ZNRF1: variants seen among roughly 807,000 people sequenced by gnomAD.
ZNRF1 encodes E3 ubiquitin-protein ligase ZNRF1.
In ZNRF1, 3 loss-of-function variants were observed where a neutral mutation model predicts 18.4. That is an observed-to-expected ratio of 0.16 (90% confidence interval 0.07 to 0.42). The LOEUF is 0.42. Among genes scored for constraint, ZNRF1 ranks in the 10% least tolerant of loss-of-function variants. The probability of loss-of-function intolerance (pLI) is 0.99; values close to 1 mark genes in which losing one functional copy is unlikely to be tolerated. For synonymous variants in ZNRF1, 157 were observed against 144.2 expected (o/e 1.09, Z -0.64); for missense variants, 310 against 329.8 (o/e 0.94, Z 0.47).
chr16:75,061,797 T>C (rs6564201), intron 1 of ZNRF1, among the ~76,000 whole-genome samples: 139,801 of 152,248 alleles, frequency 0.92, 64,216 homozygotes, highest in Non-Finnish European at 0.93. Context: ...CTTAACACAA[T>C]GAGTCGTCTT....
At chr16:75,032,537 AAAAC>A (rs1240458657) in intron 1 of ZNRF1, among the ~76,000 whole-genome samples, 1 of 152,180 alleles carries the variant, frequency 6.6e-6, no homozygotes, top group Non-Finnish European at 1.5e-5. Flanking sequence ...TCCATCTCAA[AAAAC>A]AAACAAACAA....
intron 1 of ZNRF1, among the ~76,000 whole-genome samples, chr16:75,035,361 A>G (rs763679549): frequency 2.0e-5 from 3 of 152,184 alleles, no homozygotes; most frequent in Non-Finnish European, 4.4e-5. Flanking sequence ...TAGAAAGTAT[A>G]CATTTGATTT....
chr16:75,016,348 C>G (rs1413961687), intron 1 of ZNRF1, among the ~76,000 whole-genome samples: 4 of 151,818 alleles, frequency 2.6e-5, no homozygotes, highest in Non-Finnish European at 1.5e-5. Flanking sequence ...AAGCAATTCT[C>G]CCACCTCAGC....
chr16:75,082,685 C>T (rs897058212), intron 1 of ZNRF1, among the ~76,000 whole-genome samples: 16 of 152,334 alleles, frequency 1.1e-4, no homozygotes, highest in Admixed American at 9.8e-4. Context: ...TCCCAAGTAG[C>T]TGGGACCACA....
intron 1 of ZNRF1, among the ~76,000 whole-genome samples, chr16:75,086,433 G>C (rs1206050521): frequency 6.6e-6 from 1 of 152,192 alleles, no homozygotes; most frequent in Non-Finnish European, 1.5e-5. Flanking sequence ...GCAAAAGCCA[G>C]AATTCCTGGG....
At chr16:75,026,398 C>G (rs921315979) in intron 1 of ZNRF1, among the ~76,000 whole-genome samples, 1 of 152,038 alleles carries the variant, frequency 6.6e-6, no homozygotes, top group Non-Finnish European at 1.5e-5. Flanking sequence ...ATGTTTATAG[C>G]GTTCCCCTGA....
At chr16:75,088,530 G>A (rs2036100626) in intron 1 of ZNRF1, among the ~76,000 whole-genome samples, 1 of 152,188 alleles carries the variant, frequency 6.6e-6, no homozygotes, top group Admixed American at 6.5e-5. Context: ...CAGTGTAGAA[G>A]GTTCATAAAT....
intron 1 of ZNRF1, among the ~76,000 whole-genome samples, chr16:75,070,202 C>T (rs190962008): frequency 5.6e-4 from 85 of 152,298 alleles, no homozygotes; most frequent in Non-Finnish European, 6.3e-4. Flanking sequence ...GCAGCCAGCC[C>T]ACTGGCCCCA....
At chr16:75,029,078 C>CTTTT (rs35493485) in intron 1 of ZNRF1, among the ~76,000 whole-genome samples, 1 of 144,128 alleles carries the variant, frequency 6.9e-6, no homozygotes, top group African/African-American at 2.6e-5. Flanking sequence ...CAATCTTGAC[C>CTTTT]TTTTTTTTTT....
chr16:75,058,596 C>G (rs1362087639), intron 1 of ZNRF1, among the ~76,000 whole-genome samples: 1 of 152,298 alleles, frequency 6.6e-6, no homozygotes, highest in South Asian at 2.1e-4. Context: ...AAAGAGGAAT[C>G]ATAGCCCTAC....
chr16:75,050,409 C>A (rs2035578845), intron 1 of ZNRF1, among the ~76,000 whole-genome samples: 1 of 151,986 alleles, frequency 6.6e-6, no homozygotes, highest in African/African-American at 2.4e-5. Flanking sequence ...ACCTGTAGTC[C>A]CAGCTACTTG....
intron 1 of ZNRF1, among the ~76,000 whole-genome samples, chr16:75,014,517 A>G (rs1244092633): frequency 1.3e-5 from 2 of 152,282 alleles, no homozygotes; most frequent in East Asian, 1.9e-4. Context: ...TACTCTATTG[A>G]TCTATTTATT....
chr16:75,052,126 T>C (rs574810119), intron 1 of ZNRF1, among the ~76,000 whole-genome samples: 1 of 152,186 alleles, frequency 6.6e-6, no homozygotes, highest in South Asian at 2.1e-4. Context: ...TGCCCGGGCG[T>C]GGTGGCTCAC....
chr16:75,095,665 A>G, intron 2 of ZNRF1: 1 of 1,550,102 alleles, frequency 6.5e-7, no homozygotes, highest in East Asian at 2.4e-5. Context: ...GAACTTTGCA[A>G]GAGCAGCCGT....
chr16:75,075,374 G>A (rs1160568518), intron 1 of ZNRF1, among the ~76,000 whole-genome samples: 1 of 152,210 alleles, frequency 6.6e-6, no homozygotes, highest in East Asian at 1.9e-4. Context: ...TCGGAACTGC[G>A]GGTTGGGCAG....
In ZNRF1 at chr16:74,999,499, C is replaced by T. The variant is rs2034806390; in HGVS notation, c.-173C>T. On this transcript the variant is annotated 5_prime_UTR_variant, in exon 1 of 5. Coordinates refer to ENST00000335325, the MANE Select transcript of ZNRF1 (RefSeq NM_032268.5). ...GGGATCCCCGCCCGCCCGCCTGCCT[C>T]TTCCGCCCCGCGGGTTTTTTCCTTT... The T allele has an allele frequency of 4.4e-6, 2 of 459,262 alleles. No individual in the cohort carries two copies. The highest frequency in any genetic ancestry group is 7.2e-6 in the Non-Finnish European group (2 of 277,754). 28.4% of individuals were successfully genotyped at this position (459,262 alleles called of 1,614,324 possible). A position where few individuals can be genotyped will look rare whatever the true frequency, so the allele number is the denominator to read the frequency against.
At chr16:75,027,340 A>G (rs926553645) in intron 1 of ZNRF1, among the ~76,000 whole-genome samples, 3 of 152,196 alleles carry the variant, frequency 2.0e-5, no homozygotes, top group East Asian at 3.8e-4. Context: ...TTAAATTGCA[A>G]TCAGTTTGGC....
At chr16:75,034,677 G>T (rs1262940161) in intron 1 of ZNRF1, among the ~76,000 whole-genome samples, 2 of 152,118 alleles carry the variant, frequency 1.3e-5, no homozygotes, top group African/African-American at 4.8e-5. Flanking sequence ...ACCCAGTCTG[G>T]AGTACAGTGC....
At chr16:75,070,110 A>G (rs1358920243) in intron 1 of ZNRF1, among the ~76,000 whole-genome samples, 2 of 152,236 alleles carry the variant, frequency 1.3e-5, no homozygotes, top group East Asian at 3.9e-4. Context: ...AAAAAAACTC[A>G]GTAATCAAGA....
Sources: gnomAD v4.1 joint callset for allele counts (sites outside exome capture counted in the v4.1 genomes callset) on GRCh38, gnomAD v4.1.1 for gene constraint, MANE v1.5 for transcripts, NCBI Gene and HGNC (gene_info 2026-07-23, HGNC 2026-07-21) for gene names.